The following RAB3C variants were observed in gnomAD, a reference collection of about 807,000 sequenced individuals.
The protein encoded by RAB3C is ras-related protein Rab-3C.
RAB3C carries 17 observed loss-of-function variants against 26.4 expected under a neutral mutation model. The observed-to-expected ratio is 0.64, with a 90% confidence interval of 0.44 to 0.97. The LOEUF (loss-of-function observed/expected upper bound fraction) is 0.97. Ranked by LOEUF, RAB3C falls within the 50% of genes least tolerant of loss-of-function variation. The pLI is 0.00. For synonymous variants in RAB3C, 91 were observed against 95.9 expected, an observed-to-expected ratio of 0.95 and a Z score of 0.30; for missense variants, 242 against 281.9, an observed-to-expected ratio of 0.86 and a Z score of 1.01.
Position 58,840,177 on chromosome 5 carries a change from T to C in RAB3C, c.497-10987T>C, listed in dbSNP as rs181293114. 5.5e-4 allele frequency among the ~76,000 whole-genome samples: 83 copies of C among 152,058 alleles called. 1 individual carries two copies. Among genetic ancestry groups the C allele is most frequent in the Admixed American group, 1.6e-3 (24 of 15,286 alleles). On this transcript the variant is annotated intron_variant, in intron 4 of 4. Coordinates refer to ENST00000282878, the MANE Select transcript of RAB3C (RefSeq NM_138453.4). ...CTTTATTTATTTATCTTTTTTCTTT[T>C]TTTTTCTGCTTATATTATTTCAAAA...
At chr5:58,751,376 C>T (rs978498301) in intron 3 of RAB3C, among the ~76,000 whole-genome samples, 4 of 152,098 alleles carry the variant, frequency 2.6e-5, no homozygotes, top group South Asian at 4.2e-4. Flanking sequence ...GTCAAGTGAT[C>T]GAAGTTGAGT....
At chr5:58,748,362 G>C (rs1741444882) in intron 3 of RAB3C, among the ~76,000 whole-genome samples, 3 of 152,110 alleles carry the variant, frequency 2.0e-5, no homozygotes, top group Non-Finnish European at 4.4e-5. Flanking sequence ...AAATTCTCAT[G>C]AGGTCATAAG....
chr5:58,593,938 A>G lies in RAB3C; in HGVS notation c.24+10706A>G, dbSNP rs1746190210. On this transcript the variant is annotated intron_variant, in intron 1 of 4. Transcript: ENST00000282878. ...GTCTAGCGACCTTCAAAAAAACCAC[A>G]TTTTATGCCTCCTTGGCCTCCTATC... 2.0e-5 allele frequency among the ~76,000 whole-genome samples: 3 copies of G among 152,146 alleles called. No homozygotes were observed. In the South Asian group the frequency reaches 6.2e-4, roughly 32 times the overall value.
chr5:58,640,458 T>A (rs1747392205), intron 2 of RAB3C, among the ~76,000 whole-genome samples: 1 of 152,200 alleles, frequency 6.6e-6, no homozygotes. Context: ...ACTATATTAT[T>A]TCTATTTGGA....
chr5:58,746,415 TTGAC>T (rs1264918151), intron 3 of RAB3C, among the ~76,000 whole-genome samples: 1 of 152,090 alleles, frequency 6.6e-6, no homozygotes, highest in Non-Finnish European at 1.5e-5. Flanking sequence ...GCTGAATAAT[TTGAC>T]TGAGAATGAG....
intron 2 of RAB3C, among the ~76,000 whole-genome samples, chr5:58,671,092 C>G (rs957754702): frequency 2.0e-5 from 3 of 152,102 alleles, no homozygotes; most frequent in Non-Finnish European, 2.9e-5. Flanking sequence ...CCAGGTGATG[C>G]TCTTCCTGAT....
chr5:58,728,613 T>C (rs1740937959), intron 3 of RAB3C, among the ~76,000 whole-genome samples: 1 of 152,012 alleles, frequency 6.6e-6, no homozygotes, highest in Admixed American at 6.6e-5. Context: ...GTAGCGATTC[T>C]GGGAGCACAT....
chr5:58,693,668 C>T (rs577661077), intron 2 of RAB3C, among the ~76,000 whole-genome samples: 56 of 152,282 alleles, frequency 3.7e-4, no homozygotes, highest in African/African-American at 1.3e-3. Flanking sequence ...TCGCCCCACA[C>T]ATTCCTCTAT....
intron 3 of RAB3C, among the ~76,000 whole-genome samples, chr5:58,780,669 G>T (rs879557588): frequency 2.0e-5 from 3 of 152,038 alleles, no homozygotes; most frequent in Non-Finnish European, 4.4e-5. Context: ...TCAGACTGTG[G>T]CTGTGTGATG....
At chr5:58,647,835 A>G (rs935156095) in intron 2 of RAB3C, 1 of 152,190 alleles carries the variant, frequency 6.6e-6, no homozygotes, top group Admixed American at 6.6e-5. Flanking sequence ...CTCCATAGTG[A>G]AAGGATCCAC....
intron 3 of RAB3C, among the ~76,000 whole-genome samples, chr5:58,799,488 A>G (rs1742753725): frequency 6.6e-6 from 1 of 152,154 alleles, no homozygotes; most frequent in African/African-American, 2.4e-5. Flanking sequence ...TTCTGACTCT[A>G]CTAACCCCTT....
chr5:58,637,669 G>A (rs1747318100), intron 2 of RAB3C, among the ~76,000 whole-genome samples: 2 of 152,242 alleles, frequency 1.3e-5, no homozygotes, highest in South Asian at 2.1e-4. Flanking sequence ...TAATACTGAA[G>A]TAGATTTTTT....
chr5:58,675,777 G>C (rs556005540), intron 2 of RAB3C, among the ~76,000 whole-genome samples: 4 of 152,140 alleles, frequency 2.6e-5, no homozygotes, highest in Non-Finnish European at 5.9e-5. Flanking sequence ...TGGTGAATCT[G>C]AGATGAATGT....
At chr5:58,818,287 C>T (rs1233056679) in intron 3 of RAB3C, among the ~76,000 whole-genome samples, 1 of 152,174 alleles carries the variant, frequency 6.6e-6, no homozygotes, top group African/African-American at 2.4e-5. Context: ...TATAGCTCTT[C>T]AGACTTAAAT....
At chr5:58,779,494 C>T (rs1053138150) in intron 3 of RAB3C, among the ~76,000 whole-genome samples, 28 of 151,860 alleles carry the variant, frequency 1.8e-4, no homozygotes, top group Non-Finnish European at 2.4e-4. Flanking sequence ...AAGGGATCCT[C>T]CTGTCACAGT....
At chr5:58,731,863 G>T (rs1741029813) in intron 3 of RAB3C, among the ~76,000 whole-genome samples, 3 of 152,124 alleles carry the variant, frequency 2.0e-5, no homozygotes. Flanking sequence ...GAAAACTTTG[G>T]TGTGGGAGGC....
intron 3 of RAB3C, among the ~76,000 whole-genome samples, chr5:58,800,479 T>C (rs1516438): frequency 0.55 from 83,082 of 151,992 alleles, 23,196 homozygotes; most frequent in Middle Eastern, 0.67. Context: ...CACTAGGAAA[T>C]GCTTATTTTC....
At chr5:58,732,511 T>C (rs1392698161) in intron 3 of RAB3C, among the ~76,000 whole-genome samples, 3 of 152,166 alleles carry the variant, frequency 2.0e-5, no homozygotes, top group Non-Finnish European at 1.5e-5. Flanking sequence ...ATTTTTTTCT[T>C]TCTTAAAGAA....
chr5:58,756,045 G>A (rs531062215), intron 3 of RAB3C, among the ~76,000 whole-genome samples: 1 of 151,518 alleles, frequency 6.6e-6, no homozygotes, highest in Admixed American at 6.6e-5. Flanking sequence ...TAGATAAGTT[G>A]CAAATATAAA....
Sources: allele counts gnomAD v4.1 joint callset (sites outside exome capture counted in the v4.1 genomes callset), GRCh38; gene constraint gnomAD v4.1.1; transcripts MANE v1.5; gene names NCBI Gene and HGNC (gene_info 2026-07-23, HGNC 2026-07-21).